Variants in CALD1 observed in about 807,000 individuals in gnomAD.
The protein encoded by CALD1 is caldesmon 1.
CALD1 carries 33 observed loss-of-function variants against 99.9 expected under a neutral mutation model. The observed-to-expected ratio is 0.33, with a 90% CI of 0.25 to 0.44. CALD1 has a LOEUF of 0.44. CALD1 is among the 20% of genes least tolerant of loss of function. The pLI, the probability that CALD1 is intolerant of heterozygous loss-of-function variation, is 1.00. For synonymous variants in CALD1, 310 were observed against 325.0 expected, an observed-to-expected ratio of 0.95 and a Z score of 0.50; for missense variants, 861 against 962.1, an observed-to-expected ratio of 0.89 and a Z score of 1.39.
chr7:134,738,336 A>T, the CALD1 span, among the ~76,000 whole-genome samples: 2 of 152,124 alleles, frequency 1.3e-5, no homozygotes, highest in African/African-American at 4.8e-5. Context: ...GTTATATTTG[A>T]TCCTCAAATC....
intron 3 of CALD1, among the ~76,000 whole-genome samples, chr7:134,890,944 G>A (rs1471257110): frequency 6.6e-6 from 1 of 152,136 alleles, no homozygotes; most frequent in Non-Finnish European, 1.5e-5. Flanking sequence ...CTGGATAAAA[G>A]GGATAAGAGG....
chr7:134,724,884 C>A, the CALD1 span, among the ~76,000 whole-genome samples: 1 of 152,214 alleles, frequency 6.6e-6, no homozygotes, highest in African/African-American at 2.4e-5. Context: ...CGTGTATCAG[C>A]CATTCACACC....
chr7:134,867,944 TCTG>T (rs1228674298), intron 3 of CALD1, 140 bp downstream of exon 3: 1 of 454,200 alleles, frequency 2.2e-6, no homozygotes, highest in Non-Finnish European at 4.1e-6. Context: ...GGAAAATTTT[TCTG>T]CTAAGACTCT....
intron 3 of CALD1, among the ~76,000 whole-genome samples, chr7:134,892,776 G>A (rs1802299690): frequency 6.6e-6 from 1 of 152,208 alleles, no homozygotes; most frequent in Non-Finnish European, 1.5e-5. Context: ...TAAAGGAGAT[G>A]TTCTGGTTAA....
intron 2 of CALD1, among the ~76,000 whole-genome samples, chr7:134,861,398 G>C (rs906682927): frequency 6.6e-5 from 10 of 152,196 alleles, no homozygotes; most frequent in African/African-American, 2.4e-4. Context: ...AGGATGAAGA[G>C]AAACATCACT....
At chr7:134,959,856 G>T in intron 11 of CALD1, 118 bp from the exon 12 acceptor site, 1 of 986,188 alleles carries the variant, frequency 1.0e-6, no homozygotes, top group South Asian at 1.7e-5. Flanking sequence ...CTCATTTTTG[G>T]TGGAGGTGTT....
the CALD1 span, among the ~76,000 whole-genome samples, chr7:134,722,846 A>G: frequency 6.6e-6 from 1 of 152,082 alleles, no homozygotes; most frequent in Non-Finnish European, 1.5e-5. Context: ...TATTAGATAT[A>G]TAGTGGAAAG....
chr7:134,904,092 G>T (rs1172254589), intron 3 of CALD1, among the ~76,000 whole-genome samples: 3 of 151,886 alleles, frequency 2.0e-5, no homozygotes, highest in Non-Finnish European at 2.9e-5. Context: ...ATGTGGTGGT[G>T]CATGCCTGTA....
chr7:134,766,054 A>G (rs1435115611), intron 1 of CALD1, among the ~76,000 whole-genome samples: 2 of 148,896 alleles, frequency 1.3e-5, no homozygotes, highest in African/African-American at 5.0e-5. Context: ...AAGATTCCTG[A>G]GGCTTCACCA....
At chr7:134,800,794 C>A (rs17799652) in intron 1 of CALD1, among the ~76,000 whole-genome samples, 3 of 151,690 alleles carry the variant, frequency 2.0e-5, no homozygotes, top group Non-Finnish European at 4.4e-5. Context: ...TTTAAAAATA[C>A]TTGCTTAATA....
intron 9 of CALD1, among the ~76,000 whole-genome samples, chr7:134,956,538 A>C (rs970961060): frequency 2.0e-5 from 3 of 152,184 alleles, no homozygotes; most frequent in Non-Finnish European, 4.4e-5. Context: ...GCCATCTGCA[A>C]ACCATGAAGA....
chr7:134,720,914 G>A, the CALD1 span, among the ~76,000 whole-genome samples: 2 of 152,162 alleles, frequency 1.3e-5, no homozygotes, highest in Admixed American at 1.3e-4. Flanking sequence ...TTATAAGCTT[G>A]TCATATTACA....
intron 9 of CALD1, among the ~76,000 whole-genome samples, chr7:134,955,780 G>A (rs557837095): frequency 2.0e-5 from 3 of 152,240 alleles, no homozygotes; most frequent in Admixed American, 6.5e-5. Flanking sequence ...GACACAGTTC[G>A]ATCAATAGCA....
the CALD1 span, among the ~76,000 whole-genome samples, chr7:134,732,724 A>G: frequency 4.6e-5 from 7 of 152,382 alleles, no homozygotes; most frequent in South Asian, 1.4e-3. Flanking sequence ...TTATTTCTCA[A>G]GAGTTTTTGT....
At chr7:134,803,514 T>A (rs1366853380) in intron 1 of CALD1, among the ~76,000 whole-genome samples, 1 of 152,148 alleles carries the variant, frequency 6.6e-6, no homozygotes, top group Non-Finnish European at 1.5e-5. Flanking sequence ...TTTGTTTTTA[T>A]GTTTAGATCT....
chr7:134,779,537 C>T (rs911002770), upstream of CALD1: 5 of 395,352 alleles, frequency 1.3e-5, no homozygotes, highest in East Asian at 3.6e-5. Context: ...TGCATACCAC[C>T]GCCTCCCGAC....
chr7:134,778,610 C>G (rs1009717665), upstream of CALD1, among the ~76,000 whole-genome samples: 6 of 152,136 alleles, frequency 3.9e-5, no homozygotes, highest in African/African-American at 1.4e-4. Context: ...TATGTGTGGG[C>G]CAGTTACCTT....
intron 1 of CALD1, among the ~76,000 whole-genome samples, chr7:134,788,401 G>C (rs1472505241): frequency 1.3e-5 from 2 of 152,182 alleles, no homozygotes; most frequent in African/African-American, 4.8e-5. Flanking sequence ...CTACAAAGCA[G>C]ACTCCCCTCC....
At chr7:134,817,577 ATTGT>A (rs1235186545) in intron 1 of CALD1, among the ~76,000 whole-genome samples, 2 of 152,144 alleles carry the variant, frequency 1.3e-5, no homozygotes, top group South Asian at 4.1e-4. Flanking sequence ...AGAACACCTG[ATTGT>A]TTGTTGTTTA....
Sources: gnomAD v4.1 joint callset for allele counts (sites outside exome capture counted in the v4.1 genomes callset) on GRCh38, gnomAD v4.1.1 for gene constraint, MANE v1.5 for transcripts, NCBI Gene and HGNC (gene_info 2026-07-23, HGNC 2026-07-21) for gene names.